STAP1: variants seen among roughly 807,000 people sequenced by gnomAD.
STAP1 encodes the protein signal transducing adaptor family member 1, also known as signal-transducing adaptor protein 1.
STAP1 carries 30 observed loss-of-function variants against 37.8 expected under a neutral mutation model. The observed-to-expected ratio is 0.79, with a 90% confidence interval of 0.59 to 1.08. The LOEUF (loss-of-function observed/expected upper bound fraction) is 1.08, where lower values mean the gene tolerates loss of function less well. STAP1 is among the 50% of genes least tolerant of loss of function. The pLI is 0.00. For synonymous variants in STAP1, 130 were observed against 116.0 expected, an observed-to-expected ratio of 1.12 and a Z score of -0.78; for missense variants, 357 against 349.4, an observed-to-expected ratio of 1.02 and a Z score of -0.17.
At chr4:67,563,047 G>C (rs537672801) in intron 1 of STAP1, among the ~76,000 whole-genome samples, 45 of 152,130 alleles carry the variant, frequency 3.0e-4, no homozygotes, top group Non-Finnish European at 5.6e-4. Context: ...CTTTTTATTG[G>C]GGACAGAGGA....
At chr4:67,566,786 A>G (rs764773322) in intron 1 of STAP1, among the ~76,000 whole-genome samples, 3 of 152,130 alleles carry the variant, frequency 2.0e-5, no homozygotes, top group Admixed American at 6.5e-5. Flanking sequence ...CCTGCCCAAC[A>G]TGGTGAAACT....
rs1728014609 is a variant in STAP1 at position 67,587,708 on chromosome 4, T to C, written c.660-3176T>C. 8.7e-5 allele frequency among the ~76,000 whole-genome samples: 9 copies of C among 104,026 alleles called. No individual in the cohort carries two copies. The South Asian group carries it at 3.3e-3, about 38-fold the overall frequency. The allele number at this position is 104,026 out of a possible 152,430, so 68.2% of individuals were successfully genotyped here. ...TATAACCACATTTAAGGGGACACCT[T>C]TTCTTTCTTTCTTTTTTTTTTTTTT... On this transcript the variant is annotated intron_variant, in intron 6 of 8. Coordinates refer to ENST00000265404, the MANE Select transcript of STAP1 (RefSeq NM_012108.4).
intron 6 of STAP1, among the ~76,000 whole-genome samples, chr4:67,585,398 T>C (rs1326748815): frequency 6.6e-6 from 1 of 152,236 alleles, no homozygotes; most frequent in East Asian, 1.9e-4. Flanking sequence ...ATGGCTACAT[T>C]GCTAGTGTGT....
intron 6 of STAP1, among the ~76,000 whole-genome samples, chr4:67,587,380 G>C (rs1728007230): frequency 1.3e-5 from 2 of 152,170 alleles, no homozygotes; most frequent in South Asian, 4.1e-4. Flanking sequence ...CTGTGGGAGG[G>C]AATACTTGTT....
In STAP1 at chr4:67,558,935, T is replaced by C. The variant is rs187909999; in HGVS notation, c.120+6T>C. On this transcript the variant is annotated splice_donor_region_variant and intron_variant, in intron 1 of 8. Transcript: ENST00000265404. Reference sequence around the variant, plus strand: ...TCAAGCGGTCAGGATACCGGGTGAGTCTATAGATGATAATGTTAAACCTAA... The same window carrying C: ...TCAAGCGGTCAGGATACCGGGTGAGCCTATAGATGATAATGTTAAACCTAA... The C allele has an allele frequency of 4.5e-3, 7,236 of 1,596,444 alleles. 21 individuals are homozygous for C. The highest frequency in any genetic ancestry group is 5.2e-3 in the Non-Finnish European group (6,144 of 1,172,556).
At chr4:67,568,374 T>G (rs1433109265) in intron 1 of STAP1, among the ~76,000 whole-genome samples, 2 of 152,176 alleles carry the variant, frequency 1.3e-5, no homozygotes, top group Non-Finnish European at 2.9e-5. Flanking sequence ...AAGGAAGGAA[T>G]GATTAACATG....
chr4:67,605,682 T>A (rs1428574199), intron 8 of STAP1, among the ~76,000 whole-genome samples: 1 of 152,206 alleles, frequency 6.6e-6, no homozygotes, highest in Admixed American at 6.5e-5. Context: ...TAGGACTTTT[T>A]AAGAAAAGCT....
intron 4 of STAP1, among the ~76,000 whole-genome samples, chr4:67,577,651 CTTT>C (rs71219058): frequency 4.0e-4 from 37 of 91,576 alleles, no homozygotes; most frequent in Non-Finnish European, 6.7e-4. Context: ...TTCTTTCTTT[CTTT>C]TTTTTTTTTT....
intron 8 of STAP1, among the ~76,000 whole-genome samples, chr4:67,600,082 T>C (rs953634279): frequency 6.6e-6 from 1 of 152,226 alleles, no homozygotes; most frequent in Non-Finnish European, 1.5e-5. Flanking sequence ...TTCTTTATGA[T>C]GCATCATTAG....
In STAP1 at chr4:67,581,429, A is replaced by T. The variant is rs1727855348; in HGVS notation, c.488A>T (p.Glu163Val). ...EQSTSVEKEK[E>V]PTEDYVDVLN... The stretch of plus-strand genomic sequence containing the variant: ...AGTACGTCCGTGGAAAAAGAGAAGG[A>T]ACCAACTGAAGATTATGTGGATGTA... The change falls in exon 5 of 9, where the codon GAA becomes GTA. Residue 163 changes from glutamate (E) to valine (V), a missense_variant. Coordinates refer to ENST00000265404, the MANE Select transcript of STAP1 (RefSeq NM_012108.4). 6.2e-7 allele frequency: 1 copy of T among 1,613,852 alleles called. No homozygotes were observed.
intron 1 of STAP1, among the ~76,000 whole-genome samples, chr4:67,559,176 A>G (rs1727279361): frequency 1.3e-5 from 2 of 152,188 alleles, no homozygotes; most frequent in African/African-American, 4.8e-5. Context: ...CTAATATAAA[A>G]AAGTCAATAA....
intron 1 of STAP1, among the ~76,000 whole-genome samples, chr4:67,569,676 A>C (rs1727555294): frequency 6.6e-6 from 1 of 152,090 alleles, no homozygotes; most frequent in Admixed American, 6.5e-5. Context: ...GCCTAGGCCT[A>C]CGCAGGGTCA....
In STAP1 at chr4:67,604,282, T is replaced by C. The variant is rs140464965; in HGVS notation, c.827-2014T>C. Among the ~76,000 whole-genome samples, 5 of 152,332 alleles carry C rather than the reference T, an allele frequency of 3.3e-5. No individual in the cohort carries two copies. In the East Asian group the frequency reaches 9.6e-4, roughly 29 times the overall value. On this transcript the variant is annotated intron_variant, in intron 8 of 8. Coordinates refer to ENST00000265404, the MANE Select transcript of STAP1 (RefSeq NM_012108.4). ...CCAGGTTGGCAATTCAAGACTATTT[T>C]TCCTACCCTCTTCAGTGTCTCTTTC...
At position 67,583,624 on chromosome 4, in the gene STAP1, A is replaced by G. The variant is rs748244932; in HGVS notation, c.581A>G (p.Asn194Ser). 4.3e-6 allele frequency: 7 copies of G among 1,614,010 alleles called. No homozygotes were observed. Among genetic ancestry groups the G allele is most frequent in the Middle Eastern group, 1.6e-4 (1 of 6,062 alleles). ...RKEATEMLQK[N>S]PSLGNMILRP... The stretch of plus-strand genomic sequence containing the variant: ...GAGGCAACTGAGATGCTCCAGAAGA[A>G]CCCTTCTTTGGGAAATATGATCCTG... Residue 194 changes from asparagine to serine, a missense_variant, in exon 6 of 9, where the codon AAC becomes AGC. Transcript: ENST00000265404.
intron 6 of STAP1, among the ~76,000 whole-genome samples, chr4:67,590,134 A>G (rs1728089132): frequency 6.6e-6 from 1 of 152,170 alleles, no homozygotes; most frequent in African/African-American, 2.4e-5. Flanking sequence ...ACTCAACTTT[A>G]TAAATATTTA....
chr4:67,581,459 A>G lies in STAP1; in HGVS notation c.518A>G (p.Asn173Ser), dbSNP rs549630921. The stretch of plus-strand genomic sequence containing the variant: ...ACTGAAGATTATGTGGATGTACTGA[A>G]CCCTATGCCAGCGTAAGTGCACAAT... ...EPTEDYVDVL[N>S]PMPACFYTVS... The change falls in exon 5 of 9, where the codon AAC (asparagine) becomes AGC (serine). Residue 173 changes from asparagine (N) to serine (S), a missense_variant. Transcript: ENST00000265404. 7.5e-6 allele frequency: 12 copies of G among 1,606,084 alleles called. No individual in the cohort carries two copies. The South Asian group carries it at 1.3e-4, about 18-fold the overall frequency.
Position 67,593,311 on chromosome 4 carries a change from C to G in STAP1, c.781C>G (p.Arg261Gly), listed in dbSNP as rs570002867. Reference sequence around the variant, plus strand: ...CATTGATTATTTTGTGAAGGAGACTCGAGGAAATTTAAGACCATTTATATG... The same window carrying G: ...CATTGATTATTTTGTGAAGGAGACTGGAGGAAATTTAAGACCATTTATATG... ...SVIDYFVKET[R>G]GNLRPFICST... The change falls in exon 8 of 9, where the codon CGA becomes GGA. Residue 261 changes from arginine (R) to glycine (G), a missense_variant. Physicochemically the swap from Arg to Gly is moderately radical, Grantham distance 125. Transcript: ENST00000265404. 2 of 1,613,126 alleles carry G rather than the reference C, an allele frequency of 1.2e-6. No homozygotes were observed. Among genetic ancestry groups the G allele is most frequent in the African/African-American group, 2.7e-5 (2 of 74,974 alleles).
At position 67,573,841 on chromosome 4, in the gene STAP1, A is replaced by G. The variant is rs574701907; in HGVS notation, c.193-1544A>G. ...AGTAAAATAAGTCATATTGGCTACA[A>G]TTGAAAGAAACATAAAAGGAGATAA... On this transcript the variant is annotated intron_variant, in intron 2 of 8. Coordinates refer to ENST00000265404, the MANE Select transcript of STAP1 (RefSeq NM_012108.4). Among the ~76,000 whole-genome samples the G allele has an allele frequency of 3.3e-5, 5 of 152,266 alleles. No individual in the cohort carries two copies. The South Asian group carries it at 6.2e-4, about 19-fold the overall frequency.
intron 5 of STAP1, 127 bp from the exon 6 acceptor site, chr4:67,583,447 A>C (rs1354604308): frequency 2.1e-6 from 2 of 972,620 alleles, no homozygotes; most frequent in African/African-American, 1.7e-5. Context: ...AATTGGAATA[A>C]TCAAACCGGA....
Sources: gnomAD v4.1 joint callset for allele counts (sites outside exome capture counted in the v4.1 genomes callset) on GRCh38, gnomAD v4.1.1 for gene constraint, MANE v1.5 for transcripts, NCBI Gene and HGNC (gene_info 2026-07-23, HGNC 2026-07-21) for gene names.